Variants in CEP83 observed in about 807,000 individuals in gnomAD.
The protein encoded by CEP83 is centrosomal protein of 83 kDa.
Under a neutral mutation model 101.9 loss-of-function variants are expected in CEP83, and 70 were observed. The ratio of observed to expected loss-of-function variants is 0.69; its 90% CI spans 0.57 to 0.84. CEP83 has a LOEUF of 0.84. Ranked by LOEUF, CEP83 falls within the 40% of genes least tolerant of loss-of-function variation. The pLI, the probability that CEP83 is intolerant of heterozygous loss-of-function variation, is 0.00. For synonymous variants in CEP83, 264 were observed against 267.9 expected (o/e 0.99, Z 0.14); for missense variants, 715 against 787.2 (o/e 0.91, Z 1.10).
chr12:94,410,035 C>G (rs2063782954), intron 4 of CEP83, among the ~76,000 whole-genome samples: 1 of 152,098 alleles, frequency 6.6e-6, no homozygotes, highest in Non-Finnish European at 1.5e-5. Flanking sequence ...ATAATAGATT[C>G]AAAGAAAAAC....
chr12:94,451,467 C>CAAAA (rs34200750), intron 1 of CEP83, among the ~76,000 whole-genome samples: 1 of 102,662 alleles, frequency 9.7e-6, no homozygotes, highest in Admixed American at 1.1e-4. Flanking sequence ...TCAGTAAGAC[C>CAAAA]AAAAAAAAAA....
At chr12:94,316,414 T>C (rs1201475116) in intron 14 of CEP83, among the ~76,000 whole-genome samples, 2 of 152,186 alleles carry the variant, frequency 1.3e-5, no homozygotes, top group Non-Finnish European at 2.9e-5. Flanking sequence ...TGAATAATTT[T>C]AAATTCCTGT....
the CEP83 span, among the ~76,000 whole-genome samples, chr12:94,265,771 A>G: frequency 2.6e-5 from 4 of 152,202 alleles, no homozygotes; most frequent in Admixed American, 1.3e-4. Context: ...AACGCTGTAA[A>G]TCACTACAGG....
In CEP83 at chr12:94,383,606, T is replaced by C. The variant is rs144667831; in HGVS notation, c.550-4564A>G. Among the ~76,000 whole-genome samples the C allele has an allele frequency of 7.8e-4, 118 of 152,256 alleles. 1 individual carries two copies. In the East Asian group the frequency reaches 0.022, roughly 28 times the overall value. ...TAAAAATCTACACTGTAAATATCTGTATTTTAATTCATGTATTCAGACCAT... is the reference window on the plus strand; with the variant it reads ...TAAAAATCTACACTGTAAATATCTGCATTTTAATTCATGTATTCAGACCAT... On this transcript the variant is annotated intron_variant, in intron 6 of 16. Coordinates refer to ENST00000397809, the MANE Select transcript of CEP83 (RefSeq NM_016122.3).
chr12:94,323,940 C>G (rs1372989921), intron 14 of CEP83, among the ~76,000 whole-genome samples: 1 of 152,170 alleles, frequency 6.6e-6, no homozygotes, highest in Non-Finnish European at 1.5e-5. Context: ...CTAGAGATCA[C>G]AATAGTTTTC....
At chr12:94,265,836 T>C in the CEP83 span, among the ~76,000 whole-genome samples, 2 of 152,144 alleles carry the variant, frequency 1.3e-5, no homozygotes, top group African/African-American at 2.4e-5. Flanking sequence ...TTCTTTCTAA[T>C]TCATCCCCAC....
intron 11 of CEP83, among the ~76,000 whole-genome samples, chr12:94,353,467 C>T (rs985427440): frequency 6.6e-6 from 1 of 152,106 alleles, no homozygotes; most frequent in African/African-American, 2.4e-5. Flanking sequence ...TTTGTCACTA[C>T]AGAAATCCAC....
Position 94,354,698 on chromosome 12 carries a change from G to C in CEP83, c.1343+13096C>G, listed in dbSNP as rs79309057. Among the ~76,000 whole-genome samples the C allele has an allele frequency of 2.8e-4, 43 of 152,296 alleles. No individual in the cohort carries two copies. In the East Asian group the frequency reaches 6.4e-3, roughly 23 times the overall value. On this transcript the variant is annotated intron_variant, in intron 11 of 16. Coordinates refer to ENST00000397809, the MANE Select transcript of CEP83 (RefSeq NM_016122.3). ...AATAACATGCTCCTGAATGACCAAT[G>C]AGTCAAGGAGGAAATTAAAAAATTA... is the stretch of plus-strand genomic sequence containing the variant.
intron 1 of CEP83, among the ~76,000 whole-genome samples, chr12:94,452,583 AAAAAG>A (rs1251738805): frequency 1.3e-5 from 2 of 152,170 alleles, no homozygotes; most frequent in Non-Finnish European, 2.9e-5. Context: ...TTTAAAAAAG[AAAAAG>A]AAAAAAGAAT....
At chr12:94,331,460 G>A (rs1224692974) in intron 14 of CEP83, among the ~76,000 whole-genome samples, 2 of 135,254 alleles carry the variant, frequency 1.5e-5, no homozygotes, top group Admixed American at 8.4e-5. Flanking sequence ...TCTGCCTCCC[G>A]GGTTCATGCC....
At position 94,309,840 on chromosome 12, in the gene CEP83, G is replaced by A. The variant is rs1969567016; in HGVS notation, c.2001+78C>T. The stretch of plus-strand genomic sequence containing the variant: ...AGCACTGACCAAAGTTATAATTTGA[G>A]TTTTATCACCATATTTAAACATAAA... On this transcript the variant is annotated intron_variant, in intron 16 of 16. Transcript: ENST00000397809. 5 of 962,272 alleles carry A rather than the reference G, an allele frequency of 5.2e-6. No homozygotes were observed. The Admixed American group carries it at 8.2e-5, about 16-fold the overall frequency. The allele number at this position is 962,272 out of a possible 1,614,324, so 59.6% of individuals were successfully genotyped here.
the CEP83 span, among the ~76,000 whole-genome samples, chr12:94,267,168 A>G: frequency 6.6e-6 from 1 of 152,184 alleles, no homozygotes; most frequent in Non-Finnish European, 1.5e-5. Context: ...AATATTTGCA[A>G]ATGATTATAG....
the CEP83 span, chr12:94,282,146 C>CA: frequency 1.7e-6 from 1 of 588,918 alleles, no homozygotes; most frequent in East Asian, 2.8e-5. Context: ...AAACAGAACT[C>CA]AGAATTCAGG....
intron 11 of CEP83, chr12:94,361,356 T>A (rs1236647952): frequency 6.6e-6 from 1 of 152,062 alleles, no homozygotes; most frequent in African/African-American, 2.4e-5. Context: ...AAGTTTCGCA[T>A]CAGGATAATG....
At chr12:94,447,609 T>G (rs2066905519) in intron 1 of CEP83, among the ~76,000 whole-genome samples, 1 of 152,170 alleles carries the variant, frequency 6.6e-6, no homozygotes, top group African/African-American at 2.4e-5. Context: ...TCACTTCATC[T>G]CGTTTAAAGA....
chr12:94,352,586 T>G (rs905579707), intron 11 of CEP83, among the ~76,000 whole-genome samples: 5 of 151,764 alleles, frequency 3.3e-5, no homozygotes, highest in Non-Finnish European at 7.4e-5. Context: ...AGAATACAGA[T>G]AGAAAATTCA....
At chr12:94,304,618 G>T (rs1968812851), downstream of CEP83, among the ~76,000 whole-genome samples, 1 of 151,966 alleles carries the variant, frequency 6.6e-6, no homozygotes, top group Admixed American at 6.6e-5. Flanking sequence ...GCTGGGACAG[G>T]CTATCCATGT....
intron 1 of CEP83, among the ~76,000 whole-genome samples, chr12:94,440,342 A>C (rs529833311): frequency 6.6e-6 from 1 of 152,204 alleles, no homozygotes; most frequent in East Asian, 1.9e-4. Context: ...GCAAAGTTTT[A>C]GGATACAAAA....
chr12:94,268,106 G>A, the CEP83 span, among the ~76,000 whole-genome samples: 12 of 152,118 alleles, frequency 7.9e-5, no homozygotes, highest in South Asian at 6.2e-4. Context: ...GCAGGGACAC[G>A]TTTGGAAAAA....
Sources: gnomAD v4.1 joint callset for allele counts (sites outside exome capture counted in the v4.1 genomes callset) on GRCh38, gnomAD v4.1.1 for gene constraint, MANE v1.5 for transcripts, NCBI Gene and HGNC (gene_info 2026-07-23, HGNC 2026-07-21) for gene names.